Variants in CUBN observed in about 807,000 individuals in gnomAD.
CUBN encodes cubilin.
A neutral mutation model predicts 405.3 loss-of-function variants in CUBN; 282 were observed. The ratio of observed to expected loss-of-function variants is 0.70; its 90% CI spans 0.63 to 0.77. The LOEUF is 0.77. Among genes scored for constraint, CUBN ranks in the 30% least tolerant of loss-of-function variants. CUBN has a pLI of 0.00. For missense variants in CUBN, 4,514 were observed against 4,475.2 expected (o/e 1.01, Z -0.25); for synonymous variants, 1,684 against 1,617.0 (o/e 1.04, Z -0.99).
At chr10:16,849,767 C>G (rs1298700846) in intron 60 of CUBN, among the ~76,000 whole-genome samples, 1 of 152,180 alleles carries the variant, frequency 6.6e-6, no homozygotes, top group African/African-American at 2.4e-5. Flanking sequence ...GGAGGGACCT[C>G]TCTCTGGAGC....
chr10:16,888,578 C>A lies in CUBN; in HGVS notation c.8756-12G>T. On this transcript the variant is annotated splice_polypyrimidine_tract_variant and intron_variant, in intron 55 of 66. Coordinates refer to ENST00000377833, the MANE Select transcript of CUBN (RefSeq NM_001081.4). ...ATTACTTCCACATCCTATGTGGGAA[C>A]AAAAAGTCATCATCAGATCATTTAT... 2 of 1,611,792 alleles carry A rather than the reference C, an allele frequency of 1.2e-6. No homozygotes were observed. The highest frequency in any genetic ancestry group is 1.7e-6 in the Non-Finnish European group (2 of 1,178,240).
At chr10:16,842,827 A>G (rs575900587) in intron 60 of CUBN, among the ~76,000 whole-genome samples, 1 of 152,192 alleles carries the variant, frequency 6.6e-6, no homozygotes, top group East Asian at 1.9e-4. Flanking sequence ...CAGGCTGCCC[A>G]CACCTCACTG....
At chr10:17,018,461 G>A (rs2131779490) in intron 28 of CUBN, among the ~76,000 whole-genome samples, 2 of 152,232 alleles carry the variant, frequency 1.3e-5, no homozygotes, top group East Asian at 3.9e-4. Context: ...CCTTCCGGTG[G>A]GTTCATGGTC....
chr10:16,905,371 C>T (rs1393317355), intron 50 of CUBN, among the ~76,000 whole-genome samples: 1 of 152,136 alleles, frequency 6.6e-6, no homozygotes, highest in African/African-American at 2.4e-5. Flanking sequence ...ATTGAGTACA[C>T]CGCAATCCTT....
At chr10:16,984,667 A>C (rs966516963) in intron 29 of CUBN, among the ~76,000 whole-genome samples, 1 of 152,124 alleles carries the variant, frequency 6.6e-6, no homozygotes. Context: ...TTTTAGGGGG[A>C]CCTTTAAAAA....
chr10:16,883,730 C>T (rs181055713), intron 56 of CUBN, among the ~76,000 whole-genome samples: 1 of 152,336 alleles, frequency 6.6e-6, no homozygotes, highest in Non-Finnish European at 1.5e-5. Flanking sequence ...TCTGGGCCCA[C>T]TCCTGTTGGG....
chr10:16,981,900 CA>C (rs1407636477), intron 31 of CUBN, among the ~76,000 whole-genome samples: 2 of 152,210 alleles, frequency 1.3e-5, no homozygotes, highest in Admixed American at 1.3e-4. Flanking sequence ...CCTGTTCTAT[CA>C]GAACATGGAT....
intron 59 of CUBN, among the ~76,000 whole-genome samples, chr10:16,852,092 C>A (rs1839721493): frequency 1.8e-5 from 2 of 114,166 alleles, no homozygotes; most frequent in African/African-American, 3.4e-5. Flanking sequence ...TCCCTCCCTC[C>A]CTCTATCTTT....
chr10:17,052,313 C>G (rs1361244794), intron 22 of CUBN, among the ~76,000 whole-genome samples: 2 of 151,700 alleles, frequency 1.3e-5, no homozygotes, highest in East Asian at 1.9e-4. Context: ...GAAAATGATA[C>G]CAAACAGAAA....
At chr10:16,851,879 T>C (rs1385876620) in intron 59 of CUBN, among the ~76,000 whole-genome samples, 1 of 123,816 alleles carries the variant, frequency 8.1e-6, no homozygotes, top group Admixed American at 8.0e-5. Flanking sequence ...CCTCTATCTT[T>C]CCCTCCCTCC....
intron 56 of CUBN, among the ~76,000 whole-genome samples, chr10:16,883,536 G>T (rs1328887087): frequency 2.0e-5 from 3 of 152,140 alleles, no homozygotes; most frequent in African/African-American, 7.2e-5. Context: ...AATTTAAATA[G>T]GAGGAAATAA....
At chr10:17,129,332 A>G in intron 1 of CUBN, 82 bp from the exon 2 acceptor site, 1 of 1,464,688 alleles carries the variant, frequency 6.8e-7, no homozygotes, top group Non-Finnish European at 9.5e-7. Flanking sequence ...CTTACTGAAT[A>G]ACTACAGGCC....
intron 27 of CUBN, among the ~76,000 whole-genome samples, chr10:17,031,354 C>T (rs538411499): frequency 6.6e-5 from 10 of 152,314 alleles, no homozygotes; most frequent in Admixed American, 2.0e-4. Context: ...TAGATTTGTT[C>T]TCTATTTGCC....
chr10:16,951,303 T>C (rs545044037), intron 33 of CUBN, among the ~76,000 whole-genome samples: 5 of 152,328 alleles, frequency 3.3e-5, no homozygotes, highest in South Asian at 4.2e-4. Flanking sequence ...TGCATGTCAA[T>C]GAAGATACTA....
In CUBN at chr10:17,004,088, G is replaced by A. The variant is rs1833956632; in HGVS notation, c.4169-13573C>T. On this transcript the variant is annotated intron_variant, in intron 28 of 66. Coordinates refer to ENST00000377833, the MANE Select transcript of CUBN (RefSeq NM_001081.4). ...TCTTTCTTGGCTCATGCTTATCCAG[G>A]CACCATCTGTCATTTCTTGTCCTGA... is the stretch of plus-strand genomic sequence containing the variant. Among the ~76,000 whole-genome samples the A allele has an allele frequency of 2.6e-5, 4 of 152,136 alleles. No individual in the cohort carries two copies. In the South Asian group the frequency reaches 6.2e-4, roughly 24 times the overall value.
chr10:16,828,408 G>T (rs1299141568), intron 66 of CUBN, among the ~76,000 whole-genome samples: 1 of 152,208 alleles, frequency 6.6e-6, no homozygotes, highest in East Asian at 1.9e-4. Context: ...TTCCTCTGCA[G>T]TGTGTCTGCC....
At chr10:17,119,900 C>A (rs1836997112) in intron 6 of CUBN, among the ~76,000 whole-genome samples, 2 of 152,160 alleles carry the variant, frequency 1.3e-5, no homozygotes, top group African/African-American at 4.8e-5. Flanking sequence ...AGGTATGAAA[C>A]AGGACTTTCC....
At chr10:17,002,455 ATT>A (rs11435297) in intron 28 of CUBN, among the ~76,000 whole-genome samples, 1 of 151,238 alleles carries the variant, frequency 6.6e-6, no homozygotes, top group African/African-American at 2.4e-5. Flanking sequence ...TTTGAGGGTT[ATT>A]TTTTTTTCTT....
intron 21 of CUBN, among the ~76,000 whole-genome samples, chr10:17,067,636 G>T (rs1228256550): frequency 1.3e-5 from 2 of 151,954 alleles, no homozygotes; most frequent in African/African-American, 4.8e-5. Flanking sequence ...ACAAATCTTC[G>T]GATCCAAGAA....
Sources: gnomAD v4.1 joint callset for allele counts (sites outside exome capture counted in the v4.1 genomes callset) on GRCh38, gnomAD v4.1.1 for gene constraint, MANE v1.5 for transcripts, NCBI Gene and HGNC (gene_info 2026-07-23, HGNC 2026-07-21) for gene names.